ACACB: variants seen among roughly 807,000 people sequenced by gnomAD.
The protein encoded by ACACB is acetyl-CoA carboxylase 2.
In ACACB, 209 loss-of-function variants were observed where a neutral mutation model predicts 278.8. The observed-to-expected ratio is 0.75, with a 90% CI of 0.67 to 0.84. The LOEUF is 0.84. Among genes scored for constraint, ACACB ranks in the 40% least tolerant of loss-of-function variants. ACACB has a pLI of 0.00. For missense variants in ACACB, 2,850 were observed against 3,269.0 expected (o/e 0.87, Z 3.13); for synonymous variants, 1,174 against 1,285.6 (o/e 0.91, Z 1.86).
chr12:109,164,075 A>G (rs1320243244), intron 2 of ACACB, among the ~76,000 whole-genome samples: 2 of 152,240 alleles, frequency 1.3e-5, no homozygotes, highest in African/African-American at 4.8e-5. Flanking sequence ...GAAATCATAG[A>G]GTTCTGGGGA....
At chr12:109,169,700 G>A (rs182480946) in intron 4 of ACACB, among the ~76,000 whole-genome samples, 9 of 152,242 alleles carry the variant, frequency 5.9e-5, no homozygotes, top group Admixed American at 3.9e-4. Flanking sequence ...CATGATCATC[G>A]CATCTCTCTC....
At chr12:109,134,088 A>C (rs768462843) in intron 1 of ACACB, among the ~76,000 whole-genome samples, 7 of 151,356 alleles carry the variant, frequency 4.6e-5, no homozygotes, top group Admixed American at 6.6e-5. Context: ...CAGCTTACAC[A>C]CAGTTTTTGA....
intron 44 of ACACB, 91 bp downstream of exon 44, chr12:109,254,425 C>T: frequency 3.8e-6 from 5 of 1,305,150 alleles, no homozygotes; most frequent in Non-Finnish European, 5.2e-6. Flanking sequence ...GCGCTTGAGA[C>T]AAAGGCTTGA....
chr12:109,261,192 C>T (rs1228392094), intron 48 of ACACB, among the ~76,000 whole-genome samples: 1 of 152,216 alleles, frequency 6.6e-6, no homozygotes, highest in Non-Finnish European at 1.5e-5. Context: ...GTGAAAACTA[C>T]ATGCTACACA....
intron 2 of ACACB, among the ~76,000 whole-genome samples, chr12:109,151,406 C>A (rs2043372881): frequency 6.6e-6 from 1 of 152,048 alleles, no homozygotes; most frequent in South Asian, 2.1e-4. Flanking sequence ...CCTTAAGCAT[C>A]ATTGCCCTAT....
rs147616769 is a variant in ACACB at position 109,265,135 on chromosome 12, G to T, written c.6968G>T (p.Arg2323Leu). 6.2e-7 allele frequency: 1 copy of T among 1,612,484 alleles called. No homozygotes were observed. The highest frequency in any genetic ancestry group is 8.5e-7 in the Non-Finnish European group (1 of 1,179,234). Residue 2323 changes from arginine to leucine, a missense_variant, in exon 51 of 53, where the codon CGC becomes CTC. By Grantham distance (102) the Arg-to-Leu change is moderately radical (BLOSUM62 -2). Around this residue, in one of 3 missense-constraint regions of ACACB, gnomAD observed 579 missense variants for 684.6 expected, o/e 0.85. Transcript: ENST00000338432. ...ISDILEWKTARTFLYWRLRRL... is the reference protein window; with the variant it reads ...ISDILEWKTALTFLYWRLRRL... ...GACATCCTGGAGTGGAAGACCGCAC[G>T]CACCTTCCTGTATTGGCGTCTGCGC...
intron 19 of ACACB, among the ~76,000 whole-genome samples, chr12:109,204,285 T>TC (rs1440927343): frequency 4.7e-5 from 7 of 149,926 alleles, no homozygotes; most frequent in African/African-American, 1.7e-4. Context: ...TTTTTTTTTT[T>TC]TTTTTTGAGA....
At chr12:109,127,085 C>G (rs2042699017) in intron 1 of ACACB, among the ~76,000 whole-genome samples, 1 of 152,166 alleles carries the variant, frequency 6.6e-6, no homozygotes, top group Non-Finnish European at 1.5e-5. Flanking sequence ...ACTGCTGACC[C>G]TCTTTTGGGT....
At chr12:109,265,650 C>T (rs1484052484) in intron 52 of ACACB, 125 bp downstream of exon 52, 41 of 1,223,822 alleles carry the variant, frequency 3.4e-5, no homozygotes, top group Admixed American at 1.9e-4. Context: ...GGGTTGTCCC[C>T]GCCCCCTCCC....
chr12:109,259,189 G>A, intron 47 of ACACB, 81 bp downstream of exon 47: 1 of 1,505,628 alleles, frequency 6.6e-7, no homozygotes, highest in African/African-American at 1.4e-5. Context: ...TGATGCTAAT[G>A]TCCTAGTCTG....
rs1380827315 is a variant in ACACB at position 109,201,717 on chromosome 12, G to T, written c.2913+16G>T. 1.9e-6 allele frequency: 3 copies of T among 1,612,754 alleles called. No individual in the cohort carries two copies. Among genetic ancestry groups the T allele is most frequent in the South Asian group, 2.2e-5 (2 of 90,904 alleles). On this transcript the variant is annotated intron_variant, in intron 19 of 52. Coordinates refer to ENST00000338432, the MANE Select transcript of ACACB (RefSeq NM_001093.4). Reference sequence around the variant, plus strand: ...AGTCCACCCGGTATGTGGCTCCACGGCCCAAGTGCTCTGGCTGGTGCAGGT... The same window carrying T: ...AGTCCACCCGGTATGTGGCTCCACGTCCCAAGTGCTCTGGCTGGTGCAGGT...
chr12:109,211,342 C>A (rs1044251709), intron 21 of ACACB, among the ~76,000 whole-genome samples: 14 of 109,982 alleles, frequency 1.3e-4, no homozygotes, highest in African/African-American at 5.1e-4. Flanking sequence ...TGTGATTCCT[C>A]TTTTTTTTTT....
At position 109,232,919 on chromosome 12, in the gene ACACB, G is replaced by A. The variant is rs531992190; in HGVS notation, c.4139+113G>A. 104 of 1,277,088 alleles carry A rather than the reference G, an allele frequency of 8.1e-5. No individual in the cohort carries two copies. In the African/African-American group the frequency reaches 1.3e-3, roughly 16 times the overall value. The allele number at this position is 1,277,088 out of a possible 1,614,324, so 79.1% of individuals were successfully genotyped here. ...GGGGTGGGAGAGACCCAGACACGTG[G>A]CACAGCATGTCAATAACAACAGAAT... is the stretch of plus-strand genomic sequence containing the variant. On this transcript the variant is annotated intron_variant, in intron 29 of 52. Transcript: ENST00000338432.
chr12:109,228,162 C>T (rs1368943401), intron 28 of ACACB, among the ~76,000 whole-genome samples: 1 of 151,494 alleles, frequency 6.6e-6, no homozygotes, highest in East Asian at 1.9e-4. Context: ...ATGGTGAAAC[C>T]CTATCTCTAC....
intron 28 of ACACB, among the ~76,000 whole-genome samples, 153 bp from the exon 29 acceptor site, chr12:109,232,516 C>T (rs536421444): frequency 1.3e-5 from 2 of 152,294 alleles, no homozygotes; most frequent in East Asian, 3.9e-4. Flanking sequence ...AGGCCCCGGC[C>T]CCAGCCATTG....
In ACACB at chr12:109,223,884, G is replaced by A. The variant is rs754810954; in HGVS notation, c.3862G>A (p.Val1288Met). ...TTTCTTCTATCACGCAAACAAAGTC[G>A]TGTGCATGGCGTCCTTGGAGGTAAG... ...PTFFYHANKV[V>M]CMASLEVYVR... is the part of the protein sequence containing the mutation. The change falls in exon 27 of 53, where the codon GTG becomes ATG. Residue 1288 changes from valine (V) to methionine (M), a missense_variant. Transcript: ENST00000338432. The A allele has an allele frequency of 1.5e-5, 24 of 1,613,912 alleles. No homozygotes were observed. The highest frequency in any genetic ancestry group is 5.5e-5 in the South Asian group (5 of 91,086).
intron 31 of ACACB, 140 bp downstream of exon 31, chr12:109,234,185 C>T (rs945000205): frequency 1.3e-5 from 9 of 696,338 alleles, no homozygotes; most frequent in Admixed American, 7.4e-5. Flanking sequence ...TAGCTCTGCT[C>T]GCCTCATAGC....
chr12:109,232,655 C>A lies in ACACB; in HGVS notation c.4002-14C>A. On this transcript the variant is annotated splice_polypyrimidine_tract_variant and intron_variant, in intron 28 of 52. Transcript: ENST00000338432. Reference sequence around the variant, plus strand: ...AAGCAGCTGCCTCATCCCCGACTTGCCATCACCTTACAGGATGACCGTGCC... The same window carrying A: ...AAGCAGCTGCCTCATCCCCGACTTGACATCACCTTACAGGATGACCGTGCC... 1 of 1,610,432 alleles carries A rather than the reference C, an allele frequency of 6.2e-7. No individual in the cohort carries two copies. Among genetic ancestry groups the A allele is most frequent in the South Asian group, 1.1e-5 (1 of 90,658 alleles).
chr12:109,185,212 C>T (rs918133672), intron 11 of ACACB, among the ~76,000 whole-genome samples: 1 of 152,212 alleles, frequency 6.6e-6, no homozygotes, highest in Non-Finnish European at 1.5e-5. Context: ...CCAGTTTCCC[C>T]TTCGGGTGCC....
Sources: gnomAD v4.1 joint callset for allele counts (sites outside exome capture counted in the v4.1 genomes callset) on GRCh38, gnomAD v4.1.1 for gene constraint, gnomAD v4.1.1 regional missense constraint, MANE v1.5 for transcripts, NCBI Gene and HGNC (gene_info 2026-07-23, HGNC 2026-07-21) for gene names.